CRYBA4: variants seen among roughly 807,000 people sequenced by gnomAD.
The protein encoded by CRYBA4 is beta-crystallin A4.
A neutral mutation model predicts 31.7 loss-of-function variants in CRYBA4; 30 were observed. The ratio of observed to expected loss-of-function variants is 0.95; its 90% CI spans 0.71 to 1.28. CRYBA4 has a LOEUF of 1.28. Ranked by LOEUF, CRYBA4 falls within the 50% of genes most tolerant of loss-of-function variation. The pLI is 0.00. For missense variants in CRYBA4, 225 were observed against 260.7 expected (o/e 0.86, Z 0.94); for synonymous variants, 102 against 102.3 (o/e 1.00, Z 0.02).
upstream of CRYBA4, among the ~76,000 whole-genome samples, chr22:26,620,034 T>C (rs1384105436): frequency 1.3e-5 from 2 of 150,586 alleles, no homozygotes; most frequent in African/African-American, 4.9e-5. Context: ...CCTGTACTCC[T>C]CAGTATAAGG....
At chr22:26,622,025 C>G in intron 1 of CRYBA4, 39 bp downstream of exon 1, 1 of 982,896 alleles carries the variant, frequency 1.0e-6, no homozygotes, top group Middle Eastern at 5.2e-4. Flanking sequence ...GATCAGAGTT[C>G]TGAGTGAGCA....
At chr22:26,617,127 G>T (rs1309133115), upstream of CRYBA4, among the ~76,000 whole-genome samples, 1 of 152,172 alleles carries the variant, frequency 6.6e-6, no homozygotes, top group African/African-American at 2.4e-5. Context: ...GAGGACCCAA[G>T]AGGATGTATT....
chr22:26,630,213 A>G (rs1929881714), intron 5 of CRYBA4, 127 bp from the exon 6 acceptor site: 1 of 1,210,860 alleles, frequency 8.3e-7, no homozygotes, highest in Admixed American at 2.0e-5. Context: ...AGCATGGCAC[A>G]TTGTGAGCAC....
At chr22:26,610,180 G>A in the CRYBA4 span, among the ~76,000 whole-genome samples, 3 of 152,296 alleles carry the variant, frequency 2.0e-5, no homozygotes, top group South Asian at 4.1e-4. Context: ...GGGAGAGAGG[G>A]TAGGGCAGGA....
At chr22:26,626,289 A>C (rs893142575) in intron 4 of CRYBA4, among the ~76,000 whole-genome samples, 8 of 152,238 alleles carry the variant, frequency 5.3e-5, no homozygotes, top group African/African-American at 1.9e-4. Flanking sequence ...CTGTAGTCCC[A>C]GCTACTCAGG....
At chr22:26,597,249 C>A in the CRYBA4 span, among the ~76,000 whole-genome samples, 69 of 152,306 alleles carry the variant, frequency 4.5e-4, no homozygotes, top group African/African-American at 1.6e-3. Context: ...AACCACCAAG[C>A]TAATGTTCCC....
chr22:26,598,102 C>A, the CRYBA4 span, among the ~76,000 whole-genome samples: 1 of 152,086 alleles, frequency 6.6e-6, no homozygotes, highest in Non-Finnish European at 1.5e-5. Context: ...AGGCTGGTCT[C>A]GAACTCCTGA....
intron 3 of CRYBA4, 107 bp downstream of exon 3, chr22:26,623,459 A>G (rs1929607172): frequency 1.2e-6 from 1 of 862,032 alleles, no homozygotes; most frequent in South Asian, 1.4e-5. Context: ...CTAGGCTCTT[A>G]CTGTTGTGCC....
At chr22:26,599,325 C>T in the CRYBA4 span, 11 of 643,088 alleles carry the variant, frequency 1.7e-5, no homozygotes, top group South Asian at 5.9e-5. Flanking sequence ...TTATTAAGAG[C>T]GAGGAAGTCA....
At chr22:26,615,287 A>G in the CRYBA4 span, among the ~76,000 whole-genome samples, 1 of 152,068 alleles carries the variant, frequency 6.6e-6, no homozygotes, top group Admixed American at 6.5e-5. Context: ...AGCAATTTTG[A>G]GGGTCTGAGG....
the CRYBA4 span, among the ~76,000 whole-genome samples, chr22:26,591,890 TACACACACACAC>T: frequency 1.0e-4 from 14 of 135,956 alleles, no homozygotes; most frequent in East Asian, 2.2e-4. Context: ...CCTGGGTGAG[TACACACACACAC>T]ACACACACAC....
intron 3 of CRYBA4, among the ~76,000 whole-genome samples, chr22:26,624,787 G>T (rs934973882): frequency 2.0e-5 from 3 of 152,212 alleles, no homozygotes; most frequent in Non-Finnish European, 4.4e-5. Flanking sequence ...AAAACAAAGG[G>T]GGCTGAATGA....
chr22:26,627,504 C>CTTTCCT (rs1929779659), intron 4 of CRYBA4, among the ~76,000 whole-genome samples: 2 of 69,478 alleles, frequency 2.9e-5, no homozygotes, highest in Admixed American at 1.4e-4. Context: ...TTCTTTCTTT[C>CTTTCCT]TTTCTTTCTT....
intron 2 of CRYBA4, 70 bp from the exon 3 acceptor site, chr22:26,623,164 C>A: frequency 7.7e-7 from 1 of 1,296,532 alleles, no homozygotes; most frequent in South Asian, 1.2e-5. Flanking sequence ...GATCCTGGGG[C>A]GAGCCCCCAA....
the CRYBA4 span, among the ~76,000 whole-genome samples, chr22:26,614,318 C>G: frequency 5.9e-5 from 9 of 152,174 alleles, no homozygotes; most frequent in Admixed American, 5.9e-4. Context: ...CATCACGGAA[C>G]CTACTGACAT....
At chr22:26,597,384 A>G in the CRYBA4 span, among the ~76,000 whole-genome samples, 1 of 152,218 alleles carries the variant, frequency 6.6e-6, no homozygotes, top group Non-Finnish European at 1.5e-5. Context: ...TCACATTTAC[A>G]TGGTAGACGT....
At chr22:26,627,486 CCT>C (rs766167793) in intron 4 of CRYBA4, among the ~76,000 whole-genome samples, 6,244 of 32,784 alleles carry the variant, frequency 0.19, 721 homozygotes, top group East Asian at 0.4. Flanking sequence ...CTCTTTCTTT[CCT>C]TTTCTTTCTT....
chr22:26,627,806 G>A (rs764973084), intron 4 of CRYBA4, among the ~76,000 whole-genome samples: 1 of 151,908 alleles, frequency 6.6e-6, no homozygotes, highest in Non-Finnish European at 1.5e-5. Flanking sequence ...GTGCCACCAC[G>A]CTTGGCTAAT....
the CRYBA4 span, among the ~76,000 whole-genome samples, chr22:26,611,367 C>A: frequency 6.6e-6 from 1 of 152,216 alleles, no homozygotes; most frequent in Non-Finnish European, 1.5e-5. Context: ...TCATTACTCC[C>A]AGGCAGCTGG....
Sources: allele counts gnomAD v4.1 joint callset (sites outside exome capture counted in the v4.1 genomes callset), GRCh38; gene constraint gnomAD v4.1.1; transcripts MANE v1.5; gene names NCBI Gene and HGNC (gene_info 2026-07-23, HGNC 2026-07-21).